Variants in RERG observed in about 807,000 individuals in gnomAD.
RERG encodes the protein RAS like estrogen regulated growth inhibitor, also known as ras-related and estrogen-regulated growth inhibitor.
RERG carries 25 observed loss-of-function variants against 23.2 expected under a neutral mutation model. The observed-to-expected ratio is 1.08, with a 90% CI of 0.79 to 1.50. RERG has a LOEUF of 1.50. Ranked by LOEUF, RERG falls within the 40% of genes most tolerant of loss-of-function variation. The pLI is 0.00. For missense variants in RERG, 253 were observed against 250.1 expected (o/e 1.01, Z -0.08); for synonymous variants, 81 against 89.1 (o/e 0.91, Z 0.51).
intron 2 of RERG, among the ~76,000 whole-genome samples, chr12:15,203,868 A>C (rs1047223063): frequency 6.6e-6 from 1 of 151,676 alleles, no homozygotes; most frequent in East Asian, 1.9e-4. Flanking sequence ...TTAACCAAGG[A>C]GTTGAAGACT....
At chr12:15,163,796 G>C (rs1425847855) in intron 2 of RERG, among the ~76,000 whole-genome samples, 1 of 152,146 alleles carries the variant, frequency 6.6e-6, no homozygotes, top group Non-Finnish European at 1.5e-5. Context: ...TGCCTAGTGG[G>C]AAAGACGATC....
At chr12:15,210,709 G>T (rs1297030208) in intron 2 of RERG, among the ~76,000 whole-genome samples, 1 of 152,038 alleles carries the variant, frequency 6.6e-6, no homozygotes, top group Non-Finnish European at 1.5e-5. Context: ...ATATACGTAG[G>T]CATATACCTG....
intron 2 of RERG, among the ~76,000 whole-genome samples, chr12:15,211,936 G>A (rs1056433604): frequency 6.7e-6 from 1 of 150,366 alleles, no homozygotes; most frequent in African/African-American, 2.5e-5. Context: ...ATACAGGGTT[G>A]TTGTCAGTGC....
chr12:15,140,297 G>A (rs537190608), intron 2 of RERG, among the ~76,000 whole-genome samples: 16 of 152,118 alleles, frequency 1.1e-4, no homozygotes, highest in South Asian at 1.0e-3. Context: ...ACAGCTACCC[G>A]GAAACCAGGA....
At chr12:15,121,431 A>C (rs574497118) in intron 2 of RERG, among the ~76,000 whole-genome samples, 2 of 152,360 alleles carry the variant, frequency 1.3e-5, no homozygotes, top group East Asian at 3.9e-4. Flanking sequence ...TAAAATTTTT[A>C]GTAAAATGAT....
intron 2 of RERG, among the ~76,000 whole-genome samples, chr12:15,195,317 C>A (rs915998766): frequency 2.0e-5 from 3 of 152,068 alleles, no homozygotes; most frequent in Non-Finnish European, 4.4e-5. Context: ...CATCCTGCCT[C>A]CCCTTTCCAC....
chr12:15,208,099 GA>G (rs1402984770), intron 2 of RERG, among the ~76,000 whole-genome samples: 2 of 152,082 alleles, frequency 1.3e-5, no homozygotes, highest in African/African-American at 2.4e-5. Context: ...GGCCTTAAGT[GA>G]AAAAACTGAG....
At chr12:15,122,373 G>A (rs1009381264) in intron 2 of RERG, among the ~76,000 whole-genome samples, 1 of 152,192 alleles carries the variant, frequency 6.6e-6, no homozygotes, top group Non-Finnish European at 1.5e-5. Flanking sequence ...AGGAAAAACA[G>A]AGGTATAACC....
intron 2 of RERG, among the ~76,000 whole-genome samples, chr12:15,196,553 A>G (rs1450506959): frequency 6.6e-6 from 1 of 152,162 alleles, no homozygotes; most frequent in Admixed American, 6.5e-5. Context: ...AGCTCCCAAG[A>G]CTGTAGACCT....
At chr12:15,113,735 A>G (rs1316147989) in intron 3 of RERG, among the ~76,000 whole-genome samples, 2 of 152,080 alleles carry the variant, frequency 1.3e-5, no homozygotes, top group African/African-American at 4.8e-5. Context: ...GAAAATGAAG[A>G]CTTGAATACA....
intron 2 of RERG, among the ~76,000 whole-genome samples, chr12:15,190,633 T>C (rs927701356): frequency 1.3e-5 from 2 of 152,106 alleles, no homozygotes; most frequent in African/African-American, 4.8e-5. Flanking sequence ...AAAACATAAA[T>C]GATAGGCAAA....
At chr12:15,112,540 T>A (rs568879914) in intron 3 of RERG, 1 of 152,160 alleles carries the variant, frequency 6.6e-6, no homozygotes, top group South Asian at 2.1e-4. Context: ...CCTCTTCACA[T>A]AAAATGGAAA....
At chr12:15,113,416 G>A (rs1050814127) in intron 3 of RERG, among the ~76,000 whole-genome samples, 2 of 151,962 alleles carry the variant, frequency 1.3e-5, no homozygotes, top group African/African-American at 4.8e-5. Flanking sequence ...AATTAAGAGA[G>A]ACAATGCAAT....
chr12:15,181,489 G>T (rs1864921686), intron 2 of RERG, among the ~76,000 whole-genome samples: 1 of 152,196 alleles, frequency 6.6e-6, no homozygotes, highest in African/African-American at 2.4e-5. Flanking sequence ...AGCCTGGGCT[G>T]CTAGGTTTCA....
intron 2 of RERG, among the ~76,000 whole-genome samples, chr12:15,213,623 C>T (rs1281142707): frequency 6.6e-6 from 1 of 152,224 alleles, no homozygotes; most frequent in Non-Finnish European, 1.5e-5. Context: ...TTATATATTA[C>T]ACACATGTGC....
chr12:15,166,718 G>A lies in RERG; in HGVS notation c.62-45599C>T, dbSNP rs117794479. On this transcript the variant is annotated intron_variant, in intron 2 of 4. Transcript: ENST00000256953. Reference sequence around the variant, plus strand: ...TATTGTTGTTGCTTTCATTGTTGTTGTTATTCAGAATGTTGTGTCAACCAC... The same window carrying A: ...TATTGTTGTTGCTTTCATTGTTGTTATTATTCAGAATGTTGTGTCAACCAC... Among the ~76,000 whole-genome samples the A allele has an allele frequency of 3.8e-3, 569 of 151,680 alleles. 2 individuals are homozygous for A. Among genetic ancestry groups the A allele is most frequent in the Middle Eastern group, 0.014 (4 of 288 alleles).
intron 2 of RERG, among the ~76,000 whole-genome samples, chr12:15,133,570 T>C (rs1226264947): frequency 6.6e-6 from 1 of 152,138 alleles, no homozygotes; most frequent in Non-Finnish European, 1.5e-5. Flanking sequence ...CAGGTTTTTG[T>C]AGGGACATAC....
At chr12:15,147,698 A>G (rs1864357835) in intron 2 of RERG, among the ~76,000 whole-genome samples, 1 of 152,210 alleles carries the variant, frequency 6.6e-6, no homozygotes, top group Non-Finnish European at 1.5e-5. Context: ...ACTAAAAGGT[A>G]GATTATAAGA....
At chr12:15,115,417 T>C (rs1863701883) in intron 3 of RERG, among the ~76,000 whole-genome samples, 1 of 152,118 alleles carries the variant, frequency 6.6e-6, no homozygotes, top group Non-Finnish European at 1.5e-5. Flanking sequence ...ATACCATGCT[T>C]AGTTTCAAAC....
Sources: allele counts gnomAD v4.1 joint callset (sites outside exome capture counted in the v4.1 genomes callset), GRCh38; gene constraint gnomAD v4.1.1; transcripts MANE v1.5; gene names NCBI Gene and HGNC (gene_info 2026-07-23, HGNC 2026-07-21).